The following SEMA3C variants were observed in gnomAD, a reference collection of about 807,000 sequenced individuals.
The protein encoded by SEMA3C is semaphorin-3C.
SEMA3C carries 47 observed loss-of-function variants against 89.4 expected under a neutral mutation model. The ratio of observed to expected loss-of-function variants is 0.53; its 90% CI spans 0.42 to 0.67. SEMA3C has a LOEUF of 0.67. Ranked by LOEUF, SEMA3C falls within the 30% of genes least tolerant of loss-of-function variation. The pLI is 0.00. For synonymous variants in SEMA3C, 310 were observed against 320.2 expected, an observed-to-expected ratio of 0.97 and a Z score of 0.34; for missense variants, 839 against 929.1, an observed-to-expected ratio of 0.90 and a Z score of 1.26.
rs952194022 is a variant in SEMA3C, at chr7:80,904,717, T to A, written c.103+11962A>T. ...TGTAACAGAAACTGCATTTTAGGGATTGGGGGAAGTGGTTTCTAAATATGG... is the reference window on the plus strand; with the variant it reads ...TGTAACAGAAACTGCATTTTAGGGAATGGGGGAAGTGGTTTCTAAATATGG... On this transcript the variant is annotated intron_variant, in intron 2 of 17. Transcript: ENST00000265361. 2.6e-5 allele frequency among the ~76,000 whole-genome samples: 4 copies of A among 152,242 alleles called. 1 individual carries two copies.
chr7:80,915,282 T>C lies in SEMA3C; in HGVS notation c.103+1397A>G, dbSNP rs761664395. Among the ~76,000 whole-genome samples the C allele has an allele frequency of 6.6e-5, 10 of 152,162 alleles. No homozygotes were observed. The South Asian group carries it at 1.7e-3, about 25-fold the overall frequency. ...GTTTTTCCATTCTTCACAACTTAAC[T>C]GCATAGCTATGGGTTTTAAGGGGAA... On this transcript the variant is annotated intron_variant, in intron 2 of 17. Transcript: ENST00000265361.
intron 12 of SEMA3C, among the ~76,000 whole-genome samples, chr7:80,786,075 C>G (rs1342635043): frequency 6.6e-6 from 1 of 152,212 alleles, no homozygotes; most frequent in Non-Finnish European, 1.5e-5. Flanking sequence ...ACAGCACACA[C>G]TTTCCTATTA....
chr7:80,786,849 T>A (rs961659043), intron 12 of SEMA3C, among the ~76,000 whole-genome samples: 1 of 152,198 alleles, frequency 6.6e-6, no homozygotes, highest in Non-Finnish European at 1.5e-5. Context: ...TGTGCAGTAA[T>A]GAATACAAAT....
chr7:80,921,453 T>G (rs969783700), upstream of SEMA3C, among the ~76,000 whole-genome samples: 6 of 152,284 alleles, frequency 3.9e-5, no homozygotes, highest in East Asian at 1.2e-3. Flanking sequence ...AAGATTAATC[T>G]CTGCCCACAT....
intron 2 of SEMA3C, among the ~76,000 whole-genome samples, chr7:80,863,688 C>T (rs1790832438): frequency 6.7e-6 from 1 of 148,578 alleles, no homozygotes; most frequent in African/African-American, 2.5e-5. Context: ...CATATATATA[C>T]ACACACATAT....
intron 6 of SEMA3C, 141 bp from the exon 7 acceptor site, chr7:80,805,899 G>T: frequency 2.0e-6 from 1 of 489,786 alleles, no homozygotes; most frequent in Non-Finnish European, 3.5e-6. Flanking sequence ...GGTTTGCATT[G>T]TCCAGCAAAT....
intron 2 of SEMA3C, among the ~76,000 whole-genome samples, chr7:80,911,956 TGTGTTC>T (rs1792162697): frequency 6.6e-6 from 1 of 152,068 alleles, no homozygotes; most frequent in African/African-American, 2.4e-5. Flanking sequence ...ATGGAACCGC[TGTGTTC>T]GTATGACCGA....
At chr7:80,801,381 A>G (rs1295126889) in intron 9 of SEMA3C, among the ~76,000 whole-genome samples, 1 of 152,096 alleles carries the variant, frequency 6.6e-6, no homozygotes, top group Non-Finnish European at 1.5e-5. Flanking sequence ...ATTGCTAGTG[A>G]TACTTTTATT....
intron 14 of SEMA3C, among the ~76,000 whole-genome samples, chr7:80,761,120 CT>C (rs35725785): frequency 2.6e-5 from 4 of 151,770 alleles, no homozygotes; most frequent in Non-Finnish European, 4.4e-5. Flanking sequence ...TGAGACTTTT[CT>C]TTTTTTTGAC....
At chr7:80,888,122 A>C (rs931381769) in intron 2 of SEMA3C, among the ~76,000 whole-genome samples, 3 of 152,130 alleles carry the variant, frequency 2.0e-5, no homozygotes, top group Non-Finnish European at 2.9e-5. Context: ...ACTTAAAAAG[A>C]AATAATTGGC....
intron 2 of SEMA3C, among the ~76,000 whole-genome samples, chr7:80,865,121 TCTTTAAATCCTC>T (rs1790895610): frequency 6.6e-6 from 1 of 152,206 alleles, no homozygotes; most frequent in South Asian, 2.1e-4. Flanking sequence ...AAAATGAGTT[TCTTTAAATCCTC>T]CTTTATAGTT....
rs1787748451 is a variant in SEMA3C at position 80,744,301 on chromosome 7, A to C, written c.*593T>G. ...ACAAAGGTCAGTGACAGATACCAGT[A>C]ACTGATTATTTTTACAATCTTAAAA... On this transcript the variant is annotated 3_prime_UTR_variant, in exon 18 of 18. Coordinates refer to ENST00000265361, the MANE Select transcript of SEMA3C (RefSeq NM_006379.5). 1 of 152,728 alleles carries C rather than the reference A, an allele frequency of 6.5e-6. No homozygotes were observed. Among genetic ancestry groups the C allele is most frequent in the Admixed American group, 6.5e-5 (1 of 15,296 alleles). 9.5% of individuals were successfully genotyped at this position (152,728 alleles called of 1,614,324 possible). A position where few individuals can be genotyped will look rare whatever the true frequency, so the allele number is the denominator to read the frequency against.
At chr7:80,765,278 T>A in intron 12 of SEMA3C, 35 bp from the exon 13 acceptor site, 2 of 1,483,478 alleles carry the variant, frequency 1.3e-6, no homozygotes, top group South Asian at 2.3e-5. Flanking sequence ...GATGTTACAA[T>A]ACTTTTTAAA....
At chr7:80,845,610 C>T (rs1353979675) in intron 2 of SEMA3C, among the ~76,000 whole-genome samples, 1 of 152,142 alleles carries the variant, frequency 6.6e-6, no homozygotes, top group Non-Finnish European at 1.5e-5. Context: ...GTCATTTTCT[C>T]TCCATTTCTA....
Position 80,860,760 on chromosome 7 carries a change from G to T in SEMA3C, c.104-32015C>A, listed in dbSNP as rs191364579. On this transcript the variant is annotated intron_variant, in intron 2 of 17. Transcript: ENST00000265361. ...AAAAGGCATGAACAGCGAAGACGAG[G>T]CCACCCACACAAACATCTGTTTGCT... 1.8e-4 allele frequency among the ~76,000 whole-genome samples: 27 copies of T among 152,238 alleles called. No homozygotes were observed. In the East Asian group the frequency reaches 4.5e-3, roughly 25 times the overall value.
intron 2 of SEMA3C, among the ~76,000 whole-genome samples, chr7:80,891,749 C>T (rs1448129431): frequency 1.3e-5 from 2 of 152,098 alleles, no homozygotes; most frequent in African/African-American, 4.8e-5. Flanking sequence ...AGTTACAAAA[C>T]TATGAGGACT....
chr7:80,829,035 T>A (rs1303925771), intron 2 of SEMA3C, among the ~76,000 whole-genome samples: 1 of 151,982 alleles, frequency 6.6e-6, no homozygotes. Flanking sequence ...GGCATGGTGG[T>A]ATGTGTCTTT....
chr7:80,765,232 C>T lies in SEMA3C; in HGVS notation c.1366G>A (p.Val456Met), dbSNP rs1259678525. Residue 456 changes from valine to methionine, a missense_variant, in exon 13 of 18, where the codon GTG becomes ATG. Transcript: ENST00000265361. The stretch of plus-strand genomic sequence containing the variant: ...GTAGGAAGAACAACCACTTTTTGCA[C>T]AGTACCCCGATCTAAATTAAAAAAA... ...VLFLGTDRGT[V>M]QKVVVLPTNN... 6.2e-7 allele frequency: 1 copy of T among 1,611,820 alleles called. No individual in the cohort carries two copies. The highest frequency in any genetic ancestry group is 1.3e-5 in the African/African-American group (1 of 74,814).
At chr7:80,885,072 A>T (rs909070822) in intron 2 of SEMA3C, among the ~76,000 whole-genome samples, 4 of 152,182 alleles carry the variant, frequency 2.6e-5, no homozygotes, top group African/African-American at 9.7e-5. Flanking sequence ...TCGTTTTGTG[A>T]TGACATTTCT....
Sources: allele counts gnomAD v4.1 joint callset (sites outside exome capture counted in the v4.1 genomes callset), GRCh38; gene constraint gnomAD v4.1.1; transcripts MANE v1.5; gene names NCBI Gene and HGNC (gene_info 2026-07-23, HGNC 2026-07-21).